CTNND2: variants seen among roughly 807,000 people sequenced by gnomAD.
The protein encoded by CTNND2 is catenin delta 2.
In CTNND2, 22 loss-of-function variants were observed where a neutral mutation model predicts 144.4. That is an observed-to-expected ratio of 0.15 (90% CI 0.11 to 0.22). The LOEUF is 0.22. CTNND2 is among the 10% of genes least tolerant of loss of function. CTNND2 has a pLI of 1.00. For missense variants in CTNND2, 1,353 were observed against 1,618.8 expected (o/e 0.84, Z 2.82); for synonymous variants, 751 against 695.6 (o/e 1.08, Z -1.25).
chr5:11,537,585 A>G (rs1774334824), intron 3 of CTNND2, among the ~76,000 whole-genome samples: 1 of 152,118 alleles, frequency 6.6e-6, no homozygotes, highest in Non-Finnish European at 1.5e-5. Context: ...TAAAATTTTT[A>G]TTTCCTTTCT....
intron 10 of CTNND2, among the ~76,000 whole-genome samples, chr5:11,232,284 G>A (rs953427036): frequency 6.6e-6 from 1 of 152,212 alleles, no homozygotes; most frequent in Admixed American, 6.5e-5. Context: ...CCAGGACCCA[G>A]AATGGTAGAT....
intron 1 of CTNND2, among the ~76,000 whole-genome samples, chr5:11,750,141 G>C (rs1472649403): frequency 6.6e-6 from 1 of 151,952 alleles, no homozygotes; most frequent in Non-Finnish European, 1.5e-5. Context: ...TACCTTGATA[G>C]ATACTAGCGC....
intron 9 of CTNND2, among the ~76,000 whole-genome samples, chr5:11,253,228 T>C (rs1053305287): frequency 6.6e-6 from 1 of 152,220 alleles, no homozygotes; most frequent in African/African-American, 2.4e-5. Flanking sequence ...GGGCCCCATT[T>C]GTTCAAATTC....
intron 6 of CTNND2, among the ~76,000 whole-genome samples, chr5:11,393,640 T>C (rs1042058431): frequency 6.6e-6 from 1 of 152,178 alleles, no homozygotes; most frequent in African/African-American, 2.4e-5. Flanking sequence ...AGAATAATTA[T>C]AAAACATCAG....
At chr5:11,389,357 T>G (rs1759407373) in intron 6 of CTNND2, among the ~76,000 whole-genome samples, 1 of 152,204 alleles carries the variant, frequency 6.6e-6, no homozygotes, top group Non-Finnish European at 1.5e-5. Context: ...TTGTTTCCCT[T>G]ATGGGAAATT....
chr5:11,625,430 T>C (rs775227448), intron 2 of CTNND2, among the ~76,000 whole-genome samples: 17 of 150,458 alleles, frequency 1.1e-4, no homozygotes, highest in Non-Finnish European at 1.9e-4. Context: ...TCTCGCTCTC[T>C]AGCCTACTCT....
At chr5:11,625,835 G>A (rs1781124851) in intron 2 of CTNND2, among the ~76,000 whole-genome samples, 1 of 151,990 alleles carries the variant, frequency 6.6e-6, no homozygotes, top group Non-Finnish European at 1.5e-5. Context: ...ATATGAGGGT[G>A]ACAAATAAGT....
At chr5:11,316,468 TTTATTATTA>T (rs57708081) in intron 9 of CTNND2, among the ~76,000 whole-genome samples, 1,580 of 73,388 alleles carry the variant, frequency 0.022, 26 homozygotes, top group African/African-American at 0.045. Flanking sequence ...TCCACTATTT[TTTATTATTA>T]TTATTATTAT....
At chr5:11,854,001 C>A (rs1406612296) in intron 1 of CTNND2, among the ~76,000 whole-genome samples, 1 of 152,214 alleles carries the variant, frequency 6.6e-6, no homozygotes. Flanking sequence ...CACATCACTT[C>A]TTGGCTCAAA....
chr5:11,780,277 T>C (rs113206108), intron 1 of CTNND2, among the ~76,000 whole-genome samples: 50 of 152,262 alleles, frequency 3.3e-4, no homozygotes, highest in African/African-American at 1.2e-3. Context: ...TGGACCCTTC[T>C]TTCTTACCTC....
intron 3 of CTNND2, among the ~76,000 whole-genome samples, chr5:11,473,240 A>G (rs1767393705): frequency 6.6e-6 from 1 of 152,218 alleles, no homozygotes; most frequent in Admixed American, 6.5e-5. Context: ...TCAAAGATTT[A>G]ATGGCACCCA....
chr5:11,287,504 G>A (rs1747875230), intron 9 of CTNND2, among the ~76,000 whole-genome samples: 1 of 152,164 alleles, frequency 6.6e-6, no homozygotes, highest in Non-Finnish European at 1.5e-5. Flanking sequence ...AGAACACTGA[G>A]TAATACAGAT....
Position 11,903,986 on chromosome 5 carries a change from A to T in CTNND2, c.-133T>A, listed in dbSNP as rs566394837. On this transcript the variant is annotated 5_prime_UTR_variant, in exon 1 of 22. Transcript: ENST00000304623. This position sits in a 1 kb window ranked among gnomAD's most constrained non-coding sequence, Gnocchi z 5.4. ...TGTTGTCTGAGCGCGGCCGCGGGAC[A>T]AGGGATGCTGGCGGGCGGCAGGGGC... The T allele has an allele frequency of 2.8e-6, 3 of 1,085,210 alleles. No individual in the cohort carries two copies. The highest frequency in any genetic ancestry group is 3.5e-6 in the Non-Finnish European group (3 of 850,972). 67.2% of individuals were successfully genotyped at this position (1,085,210 alleles called of 1,614,324 possible).
chr5:11,769,067 T>C (rs373038877), intron 1 of CTNND2, among the ~76,000 whole-genome samples: 31 of 152,272 alleles, frequency 2.0e-4, no homozygotes, highest in African/African-American at 7.2e-4. Context: ...TCAATATGCA[T>C]CCGAATCTCC....
rs1039155671 is a variant in CTNND2 at position 11,734,911 on chromosome 5, A to G, written c.38-2639T>C. 2.6e-5 allele frequency among the ~76,000 whole-genome samples: 4 copies of G among 152,228 alleles called. No individual in the cohort carries two copies. The East Asian group carries it at 7.7e-4, about 29-fold the overall frequency. On this transcript the variant is annotated intron_variant, in intron 1 of 21. Transcript: ENST00000304623. ...TTAATTTTATGAAGTACTTATAATA[A>G]TATCACCAATGGGGATTGGAATAGC...
intron 6 of CTNND2, among the ~76,000 whole-genome samples, chr5:11,393,534 A>C (rs1324524362): frequency 1.3e-5 from 2 of 152,196 alleles, no homozygotes; most frequent in African/African-American, 4.8e-5. Flanking sequence ...CTTTGCCAGA[A>C]GTTTTATATT....
intron 1 of CTNND2, among the ~76,000 whole-genome samples, chr5:11,892,301 T>G (rs555789816): frequency 1.6e-4 from 24 of 152,360 alleles, no homozygotes; most frequent in African/African-American, 5.5e-4. Flanking sequence ...CTACCTTATT[T>G]GTCTTCTCGA....
At chr5:11,786,641 T>C (rs1198658993) in intron 1 of CTNND2, among the ~76,000 whole-genome samples, 1 of 152,242 alleles carries the variant, frequency 6.6e-6, no homozygotes, top group African/African-American at 2.4e-5. Flanking sequence ...TAAAGAAAGT[T>C]TGTGCCTTAT....
chr5:11,835,170 G>A (rs1004126695), intron 1 of CTNND2, among the ~76,000 whole-genome samples: 1 of 152,152 alleles, frequency 6.6e-6, no homozygotes, highest in African/African-American at 2.4e-5. Flanking sequence ...ATGACGAAAG[G>A]AAGAAAACAA....
Sources: gnomAD v4.1 joint callset for allele counts (sites outside exome capture counted in the v4.1 genomes callset) on GRCh38, gnomAD v4.1.1 for gene constraint, Gnocchi (gnomAD v3.1) non-coding constraint, MANE v1.5 for transcripts, NCBI Gene and HGNC (gene_info 2026-07-23, HGNC 2026-07-21) for gene names.